MRTFB: variants seen among roughly 807,000 people sequenced by gnomAD.
MRTFB encodes the protein myocardin-related transcription factor B.
In MRTFB, 29 loss-of-function variants were observed where a neutral mutation model predicts 104.2. The ratio of observed to expected loss-of-function variants is 0.28; its 90% confidence interval spans 0.21 to 0.38. The LOEUF (loss-of-function observed/expected upper bound fraction) is 0.38, where lower values mean the gene tolerates loss of function less well. MRTFB is among the 10% of genes least tolerant of loss of function. MRTFB has a pLI of 1.00. For synonymous variants in MRTFB, 535 were observed against 519.5 expected (o/e 1.03, Z -0.41); for missense variants, 1,270 against 1,341.6 (o/e 0.95, Z 0.83).
intron 3 of MRTFB, among the ~76,000 whole-genome samples, chr16:14,172,702 C>T (rs1276833902): frequency 1.3e-5 from 2 of 152,106 alleles, no homozygotes; most frequent in East Asian, 3.9e-4. Flanking sequence ...TGTTGTCAGA[C>T]ATTTTTACCA....
chr16:14,122,848 T>TC (rs1316162181), intron 2 of MRTFB, among the ~76,000 whole-genome samples: 1 of 152,194 alleles, frequency 6.6e-6, no homozygotes. Flanking sequence ...TAGTTCTAGA[T>TC]CCTTGAGGAA....
At chr16:14,205,955 G>T (rs770695886) in intron 3 of MRTFB, among the ~76,000 whole-genome samples, 2 of 152,192 alleles carry the variant, frequency 1.3e-5, no homozygotes, top group Non-Finnish European at 2.9e-5. Context: ...CCAGGCCAGT[G>T]TCTAGTCTTT....
chr16:14,063,894 G>A, the MRTFB span, among the ~76,000 whole-genome samples: 2 of 152,202 alleles, frequency 1.3e-5, no homozygotes, highest in African/African-American at 2.4e-5. Flanking sequence ...CATTTAGGTT[G>A]ATTCTGTGTC....
intron 3 of MRTFB, among the ~76,000 whole-genome samples, chr16:14,209,790 T>G (rs1401909175): frequency 1.3e-5 from 2 of 152,214 alleles, no homozygotes; most frequent in African/African-American, 4.8e-5. Context: ...GGTCTAATTT[T>G]TATTATGCAA....
the MRTFB span, among the ~76,000 whole-genome samples, chr16:14,061,037 T>C: frequency 6.6e-6 from 1 of 151,882 alleles, no homozygotes; most frequent in Non-Finnish European, 1.5e-5. Context: ...TCCCAGCTAC[T>C]CAGGAGGCTG....
chr16:14,003,148 T>C, the MRTFB span, among the ~76,000 whole-genome samples: 1 of 152,176 alleles, frequency 6.6e-6, no homozygotes, highest in East Asian at 1.9e-4. Context: ...CACACGTGGC[T>C]GGCCAGGCAT....
At chr16:14,040,588 G>A in the MRTFB span, among the ~76,000 whole-genome samples, 2 of 151,008 alleles carry the variant, frequency 1.3e-5, no homozygotes, top group Admixed American at 6.6e-5. Flanking sequence ...TCAGCCTCCC[G>A]AGTAGCTGGG....
chr16:14,259,352 C>G (rs2043660801), intron 16 of MRTFB, among the ~76,000 whole-genome samples: 1 of 152,098 alleles, frequency 6.6e-6, no homozygotes, highest in Non-Finnish European at 1.5e-5. Context: ...GTGACACAAT[C>G]AAGCTATTTT....
intron 2 of MRTFB, among the ~76,000 whole-genome samples, chr16:14,137,009 G>A (rs55950916): frequency 0.015 from 2,254 of 152,260 alleles, 29 homozygotes; most frequent in Middle Eastern, 0.031. Flanking sequence ...TTTGTCCAGT[G>A]AAAGCTAAGT....
At chr16:14,082,982 C>T (rs1304523509) in intron 2 of MRTFB, among the ~76,000 whole-genome samples, 2 of 152,018 alleles carry the variant, frequency 1.3e-5, no homozygotes, top group Non-Finnish European at 2.9e-5. Context: ...TTCTTTTGAT[C>T]CGTGAGCATG....
At chr16:14,229,524 T>A (rs2042164414) in intron 8 of MRTFB, among the ~76,000 whole-genome samples, 1 of 152,206 alleles carries the variant, frequency 6.6e-6, no homozygotes, top group African/African-American at 2.4e-5. Flanking sequence ...CAAGACCACA[T>A]AAAGAAATTC....
chr16:14,198,269 GA>G (rs1179834336), intron 3 of MRTFB, among the ~76,000 whole-genome samples: 10 of 152,202 alleles, frequency 6.6e-5, no homozygotes, highest in African/African-American at 2.4e-4. Flanking sequence ...TGGCTATTGT[GA>G]ATAGAGTTGC....
At chr16:14,221,072 A>C (rs571771389) in intron 8 of MRTFB, among the ~76,000 whole-genome samples, 1 of 152,336 alleles carries the variant, frequency 6.6e-6, no homozygotes, top group African/African-American at 2.4e-5. Flanking sequence ...ACAGATGTCA[A>C]AGAAAGATAA....
the MRTFB span, among the ~76,000 whole-genome samples, chr16:14,059,500 A>G: frequency 1.3e-5 from 2 of 152,134 alleles, no homozygotes; most frequent in Non-Finnish European, 2.9e-5. Flanking sequence ...AGATGACCCA[A>G]GGACAGGACG....
intron 3 of MRTFB, among the ~76,000 whole-genome samples, chr16:14,175,843 G>C (rs1254306332): frequency 6.6e-6 from 1 of 152,108 alleles, no homozygotes; most frequent in Non-Finnish European, 1.5e-5. Context: ...ACTATGCTAA[G>C]GGAAAGAATT....
chr16:14,121,558 C>T (rs766613432), intron 2 of MRTFB, among the ~76,000 whole-genome samples: 1 of 152,138 alleles, frequency 6.6e-6, no homozygotes, highest in Non-Finnish European at 1.5e-5. Flanking sequence ...GATTGTTAAC[C>T]TCTTATGCAA....
intron 3 of MRTFB, chr16:14,144,843 G>C (rs913629822): frequency 6.6e-6 from 1 of 151,326 alleles, no homozygotes; most frequent in Non-Finnish European, 1.5e-5. Context: ...CAGCTACTCC[G>C]GAGGCTGAGG....
intron 7 of MRTFB, 27 bp downstream of exon 7, chr16:14,217,314 G>T: frequency 6.4e-7 from 1 of 1,557,342 alleles, no homozygotes; most frequent in Non-Finnish European, 8.7e-7. Flanking sequence ...TTACTATTTG[G>T]GGTGAGAAAG....
the MRTFB span, among the ~76,000 whole-genome samples, chr16:14,041,145 G>A: frequency 6.6e-6 from 1 of 151,874 alleles, no homozygotes; most frequent in Non-Finnish European, 1.5e-5. Context: ...AAGGAAGGAA[G>A]GAGTGGGGGG....
Sources: allele counts gnomAD v4.1 joint callset (sites outside exome capture counted in the v4.1 genomes callset), GRCh38; gene constraint gnomAD v4.1.1; transcripts MANE v1.5; gene names NCBI Gene and HGNC (gene_info 2026-07-23, HGNC 2026-07-21).